Variants in TTC1 observed in about 807,000 individuals in gnomAD.
The protein encoded by TTC1 is tetratricopeptide repeat domain 1.
Under a neutral mutation model 37.6 loss-of-function variants are expected in TTC1, and 31 were observed. The ratio of observed to expected loss-of-function variants is 0.82; its 90% CI spans 0.62 to 1.11. The LOEUF is 1.11. TTC1 is among the 50% of genes most tolerant of loss of function. The pLI, the probability that TTC1 is intolerant of heterozygous loss-of-function variation, is 0.00. For missense variants in TTC1, 351 were observed against 339.0 expected (o/e 1.04, Z -0.28); for synonymous variants, 127 against 122.4 (o/e 1.04, Z -0.25).
chr5:160,045,915 G>C (rs1217367667), intron 5 of TTC1, among the ~76,000 whole-genome samples: 3 of 151,850 alleles, frequency 2.0e-5, no homozygotes, highest in Non-Finnish European at 4.4e-5. Context: ...GCTAATTTTT[G>C]TATTTTTGGT....
intron 2 of TTC1, among the ~76,000 whole-genome samples, chr5:160,032,613 C>T (rs1413150637): frequency 6.7e-6 from 1 of 148,748 alleles, no homozygotes; most frequent in Non-Finnish European, 1.5e-5. Flanking sequence ...AGTTGATTTG[C>T]TGTCATTGCA....
chr5:160,036,235 G>A (rs1756996654), intron 3 of TTC1, among the ~76,000 whole-genome samples: 1 of 152,054 alleles, frequency 6.6e-6, no homozygotes, highest in South Asian at 2.1e-4. Flanking sequence ...GTTTTAGCCA[G>A]GTTGACTGTA....
At chr5:160,058,960 T>C (rs776351856) in intron 7 of TTC1, among the ~76,000 whole-genome samples, 5 of 152,226 alleles carry the variant, frequency 3.3e-5, no homozygotes, top group Non-Finnish European at 5.9e-5. Flanking sequence ...ATAGATGTGC[T>C]GTCATCCAGG....
chr5:160,059,312 T>G (rs1757633854), intron 7 of TTC1, among the ~76,000 whole-genome samples: 2 of 152,226 alleles, frequency 1.3e-5, no homozygotes, highest in African/African-American at 4.8e-5. Context: ...CTTTGCACGT[T>G]TATGTTATGG....
intron 2 of TTC1, among the ~76,000 whole-genome samples, chr5:160,011,593 AC>A (rs1191335878): frequency 2.6e-5 from 4 of 152,264 alleles, no homozygotes. Context: ...TAATGTAATA[AC>A]AAAAACATCT....
chr5:160,024,952 T>C (rs1756774869), intron 2 of TTC1, among the ~76,000 whole-genome samples: 1 of 152,230 alleles, frequency 6.6e-6, no homozygotes. Context: ...TCCTCCCACC[T>C]CAGCCTCCAG....
intron 4 of TTC1, among the ~76,000 whole-genome samples, chr5:160,040,861 T>C (rs1220908482): frequency 2.0e-5 from 3 of 152,076 alleles, no homozygotes; most frequent in African/African-American, 7.2e-5. Context: ...CCTCCTGCTT[T>C]AGCCTCCCGA....
At position 160,065,258 on chromosome 5, in the gene TTC1, AT is replaced by A; in HGVS notation, c.*196del. ...TGTACTTCCTGATGTAATGAACCTA[AT>A]TTGATTTCCATTTTAAGGTGGTGTC... On this transcript the variant is annotated 3_prime_UTR_variant, in exon 8 of 8. Coordinates refer to ENST00000231238, the MANE Select transcript of TTC1 (RefSeq NM_003314.3). 1 of 840,244 alleles carries A rather than the reference AT, an allele frequency of 1.2e-6. No individual in the cohort carries two copies. The highest frequency in any genetic ancestry group is 2.0e-5 in the Admixed American group (1 of 49,692). The allele number at this position is 840,244 out of a possible 1,614,324, so 52.0% of individuals were successfully genotyped here. A position where few individuals can be genotyped will look rare whatever the true frequency, so the allele number is the denominator to read the frequency against.
At chr5:160,046,165 T>C (rs1757239178) in intron 5 of TTC1, among the ~76,000 whole-genome samples, 1 of 152,222 alleles carries the variant, frequency 6.6e-6, no homozygotes, top group Non-Finnish European at 1.5e-5. Flanking sequence ...CTTTGTCTTA[T>C]CCTATTTTTC....
intron 5 of TTC1, among the ~76,000 whole-genome samples, chr5:160,046,255 C>T (rs1366476091): frequency 6.6e-6 from 1 of 152,206 alleles, no homozygotes; most frequent in African/African-American, 2.4e-5. Context: ...GCAGTTTCAT[C>T]TTGCTCAATT....
intron 5 of TTC1, among the ~76,000 whole-genome samples, chr5:160,046,226 C>T (rs1305170440): frequency 6.6e-6 from 1 of 152,186 alleles, no homozygotes; most frequent in African/African-American, 2.4e-5. Context: ...CATTGAAACC[C>T]ATCTTGTAAA....
intron 2 of TTC1, among the ~76,000 whole-genome samples, chr5:160,027,218 G>A (rs1315424968): frequency 6.6e-6 from 1 of 151,864 alleles, no homozygotes; most frequent in South Asian, 2.1e-4. Flanking sequence ...TTGTACAGAT[G>A]GGGTTTTGCC....
intron 2 of TTC1, among the ~76,000 whole-genome samples, chr5:160,026,430 T>A (rs1756807399): frequency 1.3e-5 from 2 of 152,266 alleles, no homozygotes; most frequent in African/African-American, 4.8e-5. Context: ...TGTTGTATTG[T>A]CTGTTGCTCC....
intron 2 of TTC1, among the ~76,000 whole-genome samples, chr5:160,019,580 C>CTTTTTTTTTTTTTTTTT (rs201420281): frequency 9.2e-6 from 1 of 108,708 alleles, no homozygotes; most frequent in Non-Finnish European, 1.8e-5. Context: ...TTCTTTCATT[C>CTTTTTTTTTTTTTTTTT]TTTTTTTTTT....
intron 2 of TTC1, among the ~76,000 whole-genome samples, chr5:160,032,340 A>G (rs925047470): frequency 2.6e-5 from 4 of 152,214 alleles, no homozygotes; most frequent in Non-Finnish European, 4.4e-5. Flanking sequence ...TAGTAACTTG[A>G]TGATTTAACC....
chr5:160,027,424 C>T (rs1756826703), intron 2 of TTC1, among the ~76,000 whole-genome samples: 2 of 152,100 alleles, frequency 1.3e-5, no homozygotes, highest in Non-Finnish European at 2.9e-5. Flanking sequence ...TTCGAACTAT[C>T]GTTGTCATGT....
intron 4 of TTC1, among the ~76,000 whole-genome samples, chr5:160,040,494 AACTTT>A (rs148648177): frequency 0.01 from 1,523 of 152,160 alleles, 15 homozygotes; most frequent in Middle Eastern, 0.02. Flanking sequence ...TTTCTTTATA[AACTTT>A]TAAATTTTTT....
chr5:160,051,359 CT>C (rs948179786), intron 7 of TTC1, among the ~76,000 whole-genome samples, 176 bp downstream of exon 7: 4 of 152,082 alleles, frequency 2.6e-5, no homozygotes, highest in Non-Finnish European at 2.9e-5. Context: ...AGGGTATTGG[CT>C]TTTTTTGGAA....
chr5:160,041,556 G>A (rs1455858922), intron 4 of TTC1, among the ~76,000 whole-genome samples: 1 of 151,672 alleles, frequency 6.6e-6, no homozygotes, highest in African/African-American at 2.4e-5. Context: ...CAGGTGATCC[G>A]CCCACCTTGA....
Sources: gnomAD v4.1 joint callset for allele counts (sites outside exome capture counted in the v4.1 genomes callset) on GRCh38, gnomAD v4.1.1 for gene constraint, MANE v1.5 for transcripts, NCBI Gene and HGNC (gene_info 2026-07-23, HGNC 2026-07-21) for gene names.